The following SH3BGR variants were observed in gnomAD, a reference collection of about 807,000 sequenced individuals.
SH3BGR encodes SH3 domain binding glutamate rich protein.
Under a neutral mutation model 24.5 loss-of-function variants are expected in SH3BGR, and 29 were observed. The observed-to-expected ratio is 1.18, with a 90% CI of 0.88 to 1.61. The LOEUF (loss-of-function observed/expected upper bound fraction) is 1.61. Ranked by LOEUF, SH3BGR falls within the 40% of genes most tolerant of loss-of-function variation. SH3BGR has a pLI of 0.00. For synonymous variants in SH3BGR, 55 were observed against 65.7 expected (o/e 0.84, Z 0.79); for missense variants, 162 against 205.8 (o/e 0.79, Z 1.30).
At chr21:39,478,053 G>A (rs1602112065) in intron 3 of SH3BGR, among the ~76,000 whole-genome samples, 2 of 152,002 alleles carry the variant, frequency 1.3e-5, no homozygotes, top group South Asian at 4.2e-4. Flanking sequence ...ATTGTTATTT[G>A]CTATAGTCAC....
chr21:39,495,296 G>T (rs943437735), intron 3 of SH3BGR, among the ~76,000 whole-genome samples: 1 of 152,036 alleles, frequency 6.6e-6, no homozygotes, highest in Non-Finnish European at 1.5e-5. Context: ...GTCTTGTGTT[G>T]TGGAGATTCT....
rs747806508 is a variant in SH3BGR at position 39,499,868 on chromosome 21, G to A, written c.358G>A (p.Glu120Lys). The change falls in exon 4 of 7, where the codon GAG becomes AAG. Residue 120 changes from glutamate (E) to lysine (K), a missense_variant. Glu to Lys is a moderately conservative substitution (Grantham distance 56). Coordinates refer to ENST00000333634, the MANE Select transcript of SH3BGR (RefSeq NM_007341.3). Reference sequence around the variant, plus strand: ...AGGTGGAGAAACTGAGGCACAAAAAGAGGGCAGTGAAGATGTGGGCAACCT... The same window carrying A: ...AGGTGGAGAAACTGAGGCACAAAAAAAGGGCAGTGAAGATGTGGGCAACCT... Reference protein sequence around the residue: ...EEGGETEAQKEGSEDVGNLPE... With the variant: ...EEGGETEAQKKGSEDVGNLPE... 3 of 1,613,892 alleles carry A rather than the reference G, an allele frequency of 1.9e-6. No individual in the cohort carries two copies. In the East Asian group the frequency reaches 6.7e-5, roughly 36 times the overall value.
At chr21:39,487,041 T>C (rs1476436386) in intron 3 of SH3BGR, among the ~76,000 whole-genome samples, 1 of 152,210 alleles carries the variant, frequency 6.6e-6, no homozygotes, top group East Asian at 1.9e-4. Context: ...AGTACATTAA[T>C]TTAGTCAGGG....
At chr21:39,512,733 A>G (rs1217145536) in intron 6 of SH3BGR, among the ~76,000 whole-genome samples, 1 of 152,160 alleles carries the variant, frequency 6.6e-6, no homozygotes, top group Non-Finnish European at 1.5e-5. Flanking sequence ...CAGAGGTTGC[A>G]GTGAGCCAAG....
upstream of SH3BGR, among the ~76,000 whole-genome samples, chr21:39,451,656 C>T (rs1434965915): frequency 1.3e-5 from 2 of 152,122 alleles, no homozygotes; most frequent in African/African-American, 2.4e-5. Context: ...TGGGCTTTTC[C>T]AGCTCCCAAG....
At position 39,494,342 on chromosome 21, in the gene SH3BGR, T is replaced by C. The variant is rs145364959; in HGVS notation, c.313-5481T>C. Among the ~76,000 whole-genome samples, 571 of 152,064 alleles carry C rather than the reference T, an allele frequency of 3.8e-3. 5 individuals are homozygous for C. Among genetic ancestry groups the C allele is most frequent in the African/African-American group, 0.013 (530 of 41,514 alleles). On this transcript the variant is annotated intron_variant, in intron 3 of 6. Coordinates refer to ENST00000333634, the MANE Select transcript of SH3BGR (RefSeq NM_007341.3). The stretch of plus-strand genomic sequence containing the variant: ...TGAAGAGTGAAGTTTCCATCTGGTG[T>C]CATTTTCTTTCAGCCCAAAGAACTT...
In SH3BGR at chr21:39,483,458, G is replaced by A. The variant is rs546743887; in HGVS notation, c.312+8243G>A. ...CTCAGAGTTCACCTCTCTTCTCATC[G>A]AGGCTTTTGTAGTCCTGGTATTTCT... On this transcript the variant is annotated intron_variant, in intron 3 of 6. Coordinates refer to ENST00000333634, the MANE Select transcript of SH3BGR (RefSeq NM_007341.3). 9.2e-5 allele frequency among the ~76,000 whole-genome samples: 14 copies of A among 152,194 alleles called. No individual in the cohort carries two copies. In the South Asian group the frequency reaches 2.9e-3, roughly 32 times the overall value.
intron 5 of SH3BGR, among the ~76,000 whole-genome samples, chr21:39,510,481 C>A (rs113369342): frequency 1.8e-4 from 23 of 127,962 alleles, no homozygotes; most frequent in East Asian, 4.7e-4. Flanking sequence ...ACACACACAC[C>A]CCATCAATTT....
chr21:39,510,558 T>C (rs1363628509), intron 5 of SH3BGR, among the ~76,000 whole-genome samples: 1 of 152,022 alleles, frequency 6.6e-6, no homozygotes, highest in African/African-American at 2.4e-5. Context: ...AGGTAGTCAG[T>C]ACAGATCTGC....
chr21:39,451,303 A>ACT, upstream of SH3BGR, among the ~76,000 whole-genome samples: 1 of 152,210 alleles, frequency 6.6e-6, no homozygotes, highest in African/African-American at 2.4e-5. Flanking sequence ...ACAAGTAAAT[A>ACT]AAATAGTGAG....
chr21:39,480,570 G>C (rs140294891), intron 3 of SH3BGR, among the ~76,000 whole-genome samples: 1 of 152,178 alleles, frequency 6.6e-6, no homozygotes, highest in Admixed American at 6.5e-5. Flanking sequence ...CGAATGGATG[G>C]ACTGCATTTT....
intron 3 of SH3BGR, among the ~76,000 whole-genome samples, chr21:39,484,884 G>A (rs2078185053): frequency 6.6e-6 from 1 of 152,174 alleles, no homozygotes; most frequent in Admixed American, 6.5e-5. Flanking sequence ...ACTTATCACG[G>A]TGTCATGTTG....
chr21:39,512,506 A>G (rs1265526766), intron 6 of SH3BGR, among the ~76,000 whole-genome samples: 1 of 152,258 alleles, frequency 6.6e-6, no homozygotes, highest in Non-Finnish European at 1.5e-5. Context: ...AGTGCCACAT[A>G]TTAGTGAACA....
chr21:39,490,995 G>A (rs1389658806), intron 3 of SH3BGR, among the ~76,000 whole-genome samples: 2 of 152,048 alleles, frequency 1.3e-5, no homozygotes, highest in Non-Finnish European at 2.9e-5. Flanking sequence ...GCCTCCCAGA[G>A]TGCTGGGATT....
At chr21:39,466,404 A>G (rs1215368828) in intron 2 of SH3BGR, among the ~76,000 whole-genome samples, 3 of 152,200 alleles carry the variant, frequency 2.0e-5, no homozygotes, top group African/African-American at 4.8e-5. Context: ...CAATTGGGTT[A>G]TAGGTAATGT....
At chr21:39,473,010 T>C (rs1331452546) in intron 2 of SH3BGR, among the ~76,000 whole-genome samples, 1 of 152,188 alleles carries the variant, frequency 6.6e-6, no homozygotes, top group Non-Finnish European at 1.5e-5. Flanking sequence ...AAATTTTTTT[T>C]TTTCTTAATT....
At chr21:39,489,927 A>G (rs748457456) in intron 3 of SH3BGR, among the ~76,000 whole-genome samples, 22 of 152,230 alleles carry the variant, frequency 1.4e-4, no homozygotes, top group Non-Finnish European at 3.1e-4. Context: ...TAGTGAGTTC[A>G]TCACTGTGGA....
intron 4 of SH3BGR, 89 bp from the exon 5 acceptor site, chr21:39,508,909 A>G: frequency 1.0e-6 from 1 of 970,500 alleles, no homozygotes; most frequent in Non-Finnish European, 1.6e-6. Context: ...ATTAGCTTGT[A>G]TTTTATTATA....
chr21:39,466,862 C>T (rs2077851670), intron 2 of SH3BGR, among the ~76,000 whole-genome samples: 1 of 152,110 alleles, frequency 6.6e-6, no homozygotes, highest in African/African-American at 2.4e-5. Flanking sequence ...CAAATATTTC[C>T]TCCACATTTC....
Sources: allele counts gnomAD v4.1 joint callset (sites outside exome capture counted in the v4.1 genomes callset), GRCh38; gene constraint gnomAD v4.1.1; transcripts MANE v1.5; gene names NCBI Gene and HGNC (gene_info 2026-07-23, HGNC 2026-07-21).